The following FAF1 variants were observed in gnomAD, a reference collection of about 807,000 sequenced individuals.
FAF1 encodes FAS-associated factor 1.
FAF1 carries 25 observed loss-of-function variants against 92.5 expected under a neutral mutation model. The ratio of observed to expected loss-of-function variants is 0.27; its 90% CI spans 0.20 to 0.38. FAF1 has a LOEUF of 0.38. Ranked by LOEUF, FAF1 falls within the 10% of genes least tolerant of loss-of-function variation. The pLI, the probability that FAF1 is intolerant of heterozygous loss-of-function variation, is 1.00. For missense variants in FAF1, 636 were observed against 793.3 expected (o/e 0.80, Z 2.38); for synonymous variants, 234 against 273.2 (o/e 0.86, Z 1.42).
intron 1 of FAF1, among the ~76,000 whole-genome samples, chr1:50,939,329 G>T (rs1037184804): frequency 6.6e-6 from 1 of 152,130 alleles, no homozygotes; most frequent in Non-Finnish European, 1.5e-5. Flanking sequence ...TGTGGCTATT[G>T]TAAATGGGAT....
intron 1 of FAF1, among the ~76,000 whole-genome samples, chr1:50,864,312 A>G (rs1206083269): frequency 3.7e-4 from 56 of 149,582 alleles, no homozygotes; most frequent in Non-Finnish European, 7.0e-4. Context: ...TCAATTTTGG[A>G]TCTTTCCTGC....
chr1:50,589,829 T>C (rs145095095), intron 9 of FAF1, among the ~76,000 whole-genome samples: 37 of 152,350 alleles, frequency 2.4e-4, no homozygotes, highest in African/African-American at 7.9e-4. Flanking sequence ...GTTAGGTCTT[T>C]CATATATTTT....
chr1:50,819,197 G>C (rs1644007591), intron 2 of FAF1, among the ~76,000 whole-genome samples: 1 of 151,956 alleles, frequency 6.6e-6, no homozygotes. Context: ...AGTAGAGCTG[G>C]GGGTTACTAA....
chr1:50,543,963 G>C (rs2149042512), intron 13 of FAF1, among the ~76,000 whole-genome samples: 1 of 152,242 alleles, frequency 6.6e-6, no homozygotes, highest in South Asian at 2.1e-4. Context: ...GATCCATGTG[G>C]AAAGGGCATC....
chr1:50,901,413 G>C (rs1644795098), intron 1 of FAF1, among the ~76,000 whole-genome samples: 1 of 152,122 alleles, frequency 6.6e-6, no homozygotes, highest in South Asian at 2.1e-4. Flanking sequence ...AAATGTTACA[G>C]GGCTGAACAT....
chr1:50,444,967 A>G (rs1646211549), intron 18 of FAF1, among the ~76,000 whole-genome samples: 1 of 152,206 alleles, frequency 6.6e-6, no homozygotes. Flanking sequence ...GCACTCAAAT[A>G]GGGGCTTACT....
chr1:50,878,948 TAA>T (rs1644590759), intron 1 of FAF1, among the ~76,000 whole-genome samples: 1 of 152,156 alleles, frequency 6.6e-6, no homozygotes, highest in Admixed American at 6.6e-5. Flanking sequence ...AATGAAAGCA[TAA>T]GTGAATCAGA....
intron 15 of FAF1, among the ~76,000 whole-genome samples, chr1:50,514,708 A>T: frequency 6.6e-6 from 1 of 152,174 alleles, no homozygotes; most frequent in East Asian, 1.9e-4. Flanking sequence ...TTTCATCTGG[A>T]TAGAAGTGGT....
intron 2 of FAF1, among the ~76,000 whole-genome samples, chr1:50,818,449 T>G (rs1643999032): frequency 1.3e-5 from 2 of 152,164 alleles, no homozygotes; most frequent in Admixed American, 1.3e-4. Flanking sequence ...TATACAAATA[T>G]TCGTACCGGA....
At chr1:50,933,209 T>C (rs1473202344) in intron 1 of FAF1, among the ~76,000 whole-genome samples, 1 of 152,200 alleles carries the variant, frequency 6.6e-6, no homozygotes, top group Admixed American at 6.5e-5. Context: ...CCTCAAAAAA[T>C]GGGTCTTTTC....
chr1:50,527,460 G>C (rs1437624297), intron 15 of FAF1, among the ~76,000 whole-genome samples: 1 of 151,964 alleles, frequency 6.6e-6, no homozygotes, highest in Non-Finnish European at 1.5e-5. Flanking sequence ...CACTTTCTTC[G>C]TGGTGTCCTT....
At chr1:50,857,172 C>T (rs1369570718) in intron 2 of FAF1, among the ~76,000 whole-genome samples, 3 of 151,778 alleles carry the variant, frequency 2.0e-5, no homozygotes, top group Non-Finnish European at 4.4e-5. Flanking sequence ...ACATAAAGCA[C>T]ACAGACACCA....
chr1:50,599,928 G>A (rs1652016359), intron 8 of FAF1, among the ~76,000 whole-genome samples: 1 of 152,104 alleles, frequency 6.6e-6, no homozygotes, highest in African/African-American at 2.4e-5. Context: ...TAACAGTTGA[G>A]CATCTCAAAT....
intron 2 of FAF1, among the ~76,000 whole-genome samples, chr1:50,816,402 C>T (rs1232269565): frequency 6.6e-6 from 1 of 151,986 alleles, no homozygotes; most frequent in Non-Finnish European, 1.5e-5. Flanking sequence ...GATGGGGTTT[C>T]ACCGTGTTAG....
intron 7 of FAF1, among the ~76,000 whole-genome samples, chr1:50,663,838 AAT>A (rs1655501675): frequency 1.3e-5 from 2 of 151,626 alleles, no homozygotes; most frequent in Non-Finnish European, 2.9e-5. Context: ...TATAATTAAT[AAT>A]CATTTGTTAC....
At chr1:50,800,148 G>T (rs2124590376) in intron 3 of FAF1, among the ~76,000 whole-genome samples, 1 of 152,264 alleles carries the variant, frequency 6.6e-6, no homozygotes, top group Non-Finnish European at 1.5e-5. Flanking sequence ...TGAATTTCTA[G>T]TCATAAAATA....
chr1:50,772,903 TAAAA>T (rs1660823625), intron 4 of FAF1, among the ~76,000 whole-genome samples: 1 of 152,140 alleles, frequency 6.6e-6, no homozygotes, highest in South Asian at 2.1e-4. Flanking sequence ...ATCTAATTAA[TAAAA>T]TTTTTAAAAT....
Position 50,874,758 on chromosome 1 carries a change from CTTTTTTT to C in FAF1, c.46-16768_46-16762del, listed in dbSNP as rs755424291. ...TTCTCCATCTTATTTTCTTTTCTTT[CTTTTTTT>C]TTTTTTTTTTTTTTTTTTTTTGGAG... On this transcript the variant is annotated intron_variant, in intron 1 of 18. Transcript: ENST00000396153. Among the ~76,000 whole-genome samples the C allele has an allele frequency of 2.0e-3, 134 of 67,252 alleles. 1 individual carries two copies. The highest frequency in any genetic ancestry group is 4.5e-3 in the African/African-American group (71 of 15,892). The allele number at this position is 67,252 out of a possible 152,430, so 44.1% of individuals were successfully genotyped here.
chr1:50,848,283 A>C (rs1644319140), intron 2 of FAF1, among the ~76,000 whole-genome samples: 1 of 152,266 alleles, frequency 6.6e-6, no homozygotes, highest in Non-Finnish European at 1.5e-5. Context: ...ATGCAAAAGT[A>C]AATTGCATGA....
Sources: gnomAD v4.1 joint callset for allele counts (sites outside exome capture counted in the v4.1 genomes callset) on GRCh38, gnomAD v4.1.1 for gene constraint, MANE v1.5 for transcripts, NCBI Gene and HGNC (gene_info 2026-07-23, HGNC 2026-07-21) for gene names.